The following MAP4K4 variants were observed in gnomAD, a reference collection of about 807,000 sequenced individuals.
MAP4K4 encodes HPK/GCK-like kinase HGK.
Under a neutral mutation model 189.6 loss-of-function variants are expected in MAP4K4, and 38 were observed. That is an observed-to-expected ratio of 0.20 (90% confidence interval 0.15 to 0.26). MAP4K4 has a LOEUF of 0.26. Among genes scored for constraint, MAP4K4 ranks in the 10% least tolerant of loss-of-function variants. MAP4K4 has a pLI of 1.00. For missense variants in MAP4K4, 1,054 were observed against 1,726.9 expected, an observed-to-expected ratio of 0.61 and a Z score of 6.91; for synonymous variants, 610 against 624.3, an observed-to-expected ratio of 0.98 and a Z score of 0.34.
At chr2:101,770,207 A>T (rs900120688) in intron 2 of MAP4K4, among the ~76,000 whole-genome samples, 2 of 150,802 alleles carry the variant, frequency 1.3e-5, no homozygotes, top group Non-Finnish European at 3.0e-5. Flanking sequence ...CTTAGGTCTG[A>T]ATTTCAAAAA....
chr2:101,880,657 T>A (rs1228017121), intron 27 of MAP4K4, among the ~76,000 whole-genome samples: 3 of 152,016 alleles, frequency 2.0e-5, no homozygotes, highest in African/African-American at 7.2e-5. Flanking sequence ...TATAGGCATG[T>A]GCCACCATGC....
intron 2 of MAP4K4, among the ~76,000 whole-genome samples, chr2:101,721,457 A>G (rs898776561): frequency 3.8e-5 from 5 of 131,152 alleles, no homozygotes; most frequent in Admixed American, 1.7e-4. Context: ...TTTTTTTGAG[A>G]TGGAGTGTTG....
At chr2:101,751,414 T>C (rs988408294) in intron 2 of MAP4K4, among the ~76,000 whole-genome samples, 2 of 152,222 alleles carry the variant, frequency 1.3e-5, no homozygotes, top group Admixed American at 1.3e-4. Flanking sequence ...AAGTCCCAGC[T>C]TGTGGTTGGG....
Position 101,773,273 on chromosome 2 carries a change from C to T in MAP4K4, c.124-17447C>T, listed in dbSNP as rs117264667. ...GTGGTAAGAATAGGAAAAGGGAGGG[C>T]AGCAAGGGGGAGGGAACAAAGACAA... On this transcript the variant is annotated intron_variant, in intron 2 of 32. Coordinates refer to ENST00000324219, the Ensembl canonical transcript of MAP4K4. 6.0e-4 allele frequency among the ~76,000 whole-genome samples: 91 copies of T among 152,294 alleles called. 1 individual carries two copies. The East Asian group carries it at 0.017, about 28-fold the overall frequency.
At chr2:101,751,419 G>T (rs1259681201) in intron 2 of MAP4K4, among the ~76,000 whole-genome samples, 1 of 152,150 alleles carries the variant, frequency 6.6e-6, no homozygotes, top group Non-Finnish European at 1.5e-5. Context: ...CCAGCTTGTG[G>T]TTGGGAACAC....
intron 2 of MAP4K4, among the ~76,000 whole-genome samples, chr2:101,707,642 A>T (rs887290694): frequency 1.1e-4 from 17 of 150,932 alleles, no homozygotes; most frequent in Admixed American, 2.0e-4. Flanking sequence ...CCTCTTGAAT[A>T]GCTGGGACTA....
intron 4 of MAP4K4, among the ~76,000 whole-genome samples, chr2:101,824,549 AACAC>A (rs1276935698): frequency 6.6e-6 from 1 of 152,150 alleles, no homozygotes. Flanking sequence ...CCTCTTTTTG[AACAC>A]ATTTATATTC....
chr2:101,704,763 T>C (rs2041374331), intron 2 of MAP4K4, among the ~76,000 whole-genome samples: 1 of 151,434 alleles, frequency 6.6e-6, no homozygotes, highest in Admixed American at 6.6e-5. Flanking sequence ...TTTCACCATA[T>C]TGGCCAGGCT....
chr2:101,871,715 C>T, intron 24 of MAP4K4, 30 bp downstream of exon 24: 1 of 1,530,518 alleles, frequency 6.5e-7, no homozygotes, highest in Admixed American at 2.0e-5. Context: ...TGGCTGCTTT[C>T]CTGGGGTTAG....
At chr2:101,712,089 C>G (rs2149320804) in intron 2 of MAP4K4, among the ~76,000 whole-genome samples, 1 of 151,760 alleles carries the variant, frequency 6.6e-6, no homozygotes, top group Non-Finnish European at 1.5e-5. Flanking sequence ...TTTAACTTAC[C>G]ACAGTCTACC....
At position 101,886,511 on chromosome 2, in the gene MAP4K4, A is replaced by G. The variant is rs111597872; in HGVS notation, c.3622-577A>G. ...GAAAGTCCTCACTATTTTACTTTGC[A>G]TGATTTTCTGATCAAGGCAGCCAAA... On this transcript the variant is annotated intron_variant, in intron 29 of 32. Coordinates refer to ENST00000324219, the Ensembl canonical transcript of MAP4K4. Among the ~76,000 whole-genome samples the G allele has an allele frequency of 1.1e-3, 165 of 152,340 alleles. 1 individual carries two copies. Among genetic ancestry groups the G allele is most frequent in the Middle Eastern group, 6.8e-3 (2 of 294 alleles).
At chr2:101,734,147 C>G (rs938599754) in intron 2 of MAP4K4, among the ~76,000 whole-genome samples, 1 of 152,106 alleles carries the variant, frequency 6.6e-6, no homozygotes, top group Non-Finnish European at 1.5e-5. Flanking sequence ...ATCCATTATA[C>G]AGGGTATCAT....
intron 3 of MAP4K4, among the ~76,000 whole-genome samples, chr2:101,808,578 G>A (rs1254657793): frequency 1.3e-5 from 2 of 148,234 alleles, no homozygotes; most frequent in Non-Finnish European, 3.0e-5. Context: ...ACCTACGGTG[G>A]TGAATTTTAT....
intron 2 of MAP4K4, among the ~76,000 whole-genome samples, chr2:101,745,972 T>TTGTGTGTGTGTGTGTGTG (rs5832985): frequency 1.4e-5 from 2 of 146,496 alleles, no homozygotes; most frequent in Admixed American, 1.4e-4. Flanking sequence ...CCTGTTTCCT[T>TTGTGTGTGTGTGTGTGTG]TGTGTGTGTG....
At chr2:101,738,911 T>C (rs2061530539) in intron 2 of MAP4K4, among the ~76,000 whole-genome samples, 1 of 152,134 alleles carries the variant, frequency 6.6e-6, no homozygotes, top group Non-Finnish European at 1.5e-5. Context: ...TCCTATTTCA[T>C]GAGGTGGTTG....
chr2:101,749,800 A>C (rs1340053490), intron 2 of MAP4K4, among the ~76,000 whole-genome samples: 3 of 140,294 alleles, frequency 2.1e-5, no homozygotes, highest in South Asian at 2.2e-4. Context: ...CAATGAACTC[A>C]AACAAATTTA....
chr2:101,893,565 G>A (rs893672962), exon 33 of MAP4K4: 3 of 208,658 alleles, frequency 1.4e-5, no homozygotes, highest in South Asian at 1.3e-4. Context: ...AAAGGCACAG[G>A]TGGAGAACAG....
At chr2:101,887,659 G>A in intron 30 of MAP4K4, 119 bp from the exon 31 acceptor site, 1 of 690,448 alleles carries the variant, frequency 1.4e-6, no homozygotes, top group Non-Finnish European at 2.4e-6. Context: ...TAATCTAATT[G>A]CTGTATTTAT....
intron 12 of MAP4K4, among the ~76,000 whole-genome samples, chr2:101,846,308 T>G (rs1248632351): frequency 6.6e-6 from 1 of 152,244 alleles, no homozygotes; most frequent in East Asian, 1.9e-4. Flanking sequence ...TGCTTGAGTT[T>G]TGAGACTCTG....
Sources: allele counts gnomAD v4.1 joint callset (sites outside exome capture counted in the v4.1 genomes callset), GRCh38; gene constraint gnomAD v4.1.1; transcripts MANE v1.5; gene names NCBI Gene and HGNC (gene_info 2026-07-23, HGNC 2026-07-21).